The following CSMD2 variants were observed in gnomAD, a reference collection of about 807,000 sequenced individuals.
CSMD2 encodes the protein CUB and sushi domain-containing protein 2.
Under a neutral mutation model 398.5 loss-of-function variants are expected in CSMD2, and 130 were observed. The observed-to-expected ratio is 0.33, with a 90% CI of 0.28 to 0.38. CSMD2 has a LOEUF of 0.38. Among genes scored for constraint, CSMD2 ranks in the 10% least tolerant of loss-of-function variants. CSMD2 has a pLI of 1.00. For missense variants in CSMD2, 3,829 were observed against 4,764.9 expected (o/e 0.80, Z 5.78); for synonymous variants, 1,828 against 1,908.5 (o/e 0.96, Z 1.10).
intron 5 of CSMD2, among the ~76,000 whole-genome samples, chr1:33,890,588 G>T (rs1641939917): frequency 6.6e-6 from 1 of 151,722 alleles, no homozygotes; most frequent in Non-Finnish European, 1.5e-5. Flanking sequence ...GCATCGCCAA[G>T]TCAATCCTAA....
At chr1:33,557,954 G>A in intron 54 of CSMD2, 32 bp from the exon 55 acceptor site, 1 of 1,515,154 alleles carries the variant, frequency 6.6e-7, no homozygotes, top group Non-Finnish European at 8.9e-7. Context: ...AACAGGCATG[G>A]ATTCCCAGTA....
intron 5 of CSMD2, among the ~76,000 whole-genome samples, chr1:33,917,426 C>T (rs1429924220): frequency 6.6e-6 from 1 of 152,192 alleles, no homozygotes; most frequent in East Asian, 1.9e-4. Flanking sequence ...AAGCCAGATA[C>T]TTCCTCAAGC....
intron 25 of CSMD2, among the ~76,000 whole-genome samples, chr1:33,686,429 C>A (rs925451231): frequency 1.3e-5 from 2 of 152,224 alleles, no homozygotes; most frequent in Non-Finnish European, 2.9e-5. Context: ...GGCTCATCCA[C>A]CCCATTCTTG....
intron 28 of CSMD2, among the ~76,000 whole-genome samples, chr1:33,650,520 T>C (rs1404668859): frequency 6.6e-6 from 1 of 151,522 alleles, no homozygotes; most frequent in Non-Finnish European, 1.5e-5. Context: ...AGGAGTTCCA[T>C]CTGGCTGGAG....
At chr1:33,996,203 T>C (rs1646721777) in intron 3 of CSMD2, among the ~76,000 whole-genome samples, 1 of 152,182 alleles carries the variant, frequency 6.6e-6, no homozygotes, top group Non-Finnish European at 1.5e-5. Context: ...ATCAGAGCAA[T>C]ATGCAATCAC....
At chr1:33,857,290 G>A (rs1197123515) in intron 5 of CSMD2, among the ~76,000 whole-genome samples, 1 of 152,140 alleles carries the variant, frequency 6.6e-6, no homozygotes, top group South Asian at 2.1e-4. Flanking sequence ...GGGGAGAGGA[G>A]AATTCCTCTC....
intron 12 of CSMD2, among the ~76,000 whole-genome samples, chr1:33,780,593 C>T (rs567501188): frequency 6.6e-5 from 10 of 152,310 alleles, no homozygotes; most frequent in East Asian, 5.8e-4. Flanking sequence ...TAAAGCTTAC[C>T]GTTTGCAAAA....
Position 33,649,709 on chromosome 1 carries a change from A to G in CSMD2, c.4586+2614T>C, listed in dbSNP as rs182336335. Among the ~76,000 whole-genome samples the G allele has an allele frequency of 8.5e-5, 13 of 152,346 alleles. No homozygotes were observed. In the South Asian group the frequency reaches 1.7e-3, roughly 19 times the overall value. ...TGAAGGAAACATTTGAAGACCTGCT[A>G]TACTTTGTTTTACTTAAAGTCAACA... On this transcript the variant is annotated intron_variant, in intron 28 of 70. Coordinates refer to ENST00000373381, the MANE Select transcript of CSMD2 (RefSeq NM_001281956.2).
chr1:34,010,879 C>T (rs1236498625), intron 3 of CSMD2, among the ~76,000 whole-genome samples: 1 of 152,222 alleles, frequency 6.6e-6, no homozygotes, highest in Admixed American at 6.5e-5. Flanking sequence ...CCCGCCTCGG[C>T]CTCCCAGAGT....
At chr1:33,614,697 C>A (rs1280611121) in intron 39 of CSMD2, 77 bp from the exon 40 acceptor site, 3 of 776,582 alleles carry the variant, frequency 3.9e-6, no homozygotes, top group Admixed American at 2.3e-5. Flanking sequence ...TTGGAAGCTC[C>A]CTTCAAGCAG....
chr1:33,829,789 C>A (rs548410819), intron 6 of CSMD2, among the ~76,000 whole-genome samples: 1 of 152,158 alleles, frequency 6.6e-6, no homozygotes, highest in Non-Finnish European at 1.5e-5. Flanking sequence ...CGTGGAAAAT[C>A]GGGTCACTCC....
chr1:34,148,317 T>C (rs1639970714), intron 1 of CSMD2, among the ~76,000 whole-genome samples: 1 of 152,186 alleles, frequency 6.6e-6, no homozygotes, highest in Non-Finnish European at 1.5e-5. Flanking sequence ...ATCTCATTGC[T>C]CCGCATCAAA....
chr1:33,967,708 G>A (rs1377421217), intron 3 of CSMD2, among the ~76,000 whole-genome samples: 1 of 152,200 alleles, frequency 6.6e-6, no homozygotes, highest in Non-Finnish European at 1.5e-5. Context: ...GGGCCAATAG[G>A]TTTGGGGGGC....
intron 27 of CSMD2, among the ~76,000 whole-genome samples, chr1:33,652,895 C>T (rs906995108): frequency 1.3e-5 from 2 of 152,166 alleles, no homozygotes; most frequent in Non-Finnish European, 2.9e-5. Context: ...GCTGGGACTA[C>T]AGGCGCCCGC....
rs1345634045 is a variant in CSMD2 at position 33,611,105 on chromosome 1, C to T, written c.6279G>A (p.Glu2093=). 5.6e-6 allele frequency: 9 copies of T among 1,614,098 alleles called. No homozygotes were observed. In the South Asian group the frequency reaches 6.6e-5, roughly 12 times the overall value. Residue 2093 remains glutamate (E), a synonymous_variant, in exon 41 of 71, where the codon GAG becomes GAA. Transcript: ENST00000373381. ...LPSSLLSTSH[E]TTVYFHSDHS... ...GGTCGCTGTGGAAATACACGGTGGT[C>T]TCGTGGGACGTGGAGAGGAGGGAGC...
At chr1:33,998,292 A>G (rs1458507552) in intron 3 of CSMD2, among the ~76,000 whole-genome samples, 2 of 152,148 alleles carry the variant, frequency 1.3e-5, no homozygotes, top group Admixed American at 6.5e-5. Flanking sequence ...CCAGCAAAAA[A>G]GCCCTCATCA....
chr1:33,618,570 C>T (rs1641550590), intron 37 of CSMD2, among the ~76,000 whole-genome samples: 1 of 152,072 alleles, frequency 6.6e-6, no homozygotes, highest in African/African-American at 2.4e-5. Flanking sequence ...AACCTGCACT[C>T]ATTTATTCCT....
chr1:33,829,720 G>A (rs1038263513), intron 6 of CSMD2, among the ~76,000 whole-genome samples: 2 of 152,336 alleles, frequency 1.3e-5, no homozygotes, highest in South Asian at 2.1e-4. Flanking sequence ...CCTCACTCGG[G>A]AAGTGCAAGG....
At chr1:33,739,813 G>A (rs2149247157) in intron 14 of CSMD2, among the ~76,000 whole-genome samples, 1 of 152,176 alleles carries the variant, frequency 6.6e-6, no homozygotes, top group Non-Finnish European at 1.5e-5. Context: ...TAGACTCTAA[G>A]CATCATAAAG....
Sources: allele counts gnomAD v4.1 joint callset (sites outside exome capture counted in the v4.1 genomes callset), GRCh38; gene constraint gnomAD v4.1.1; transcripts MANE v1.5; gene names NCBI Gene and HGNC (gene_info 2026-07-23, HGNC 2026-07-21).